Variants in AURKA observed in about 807,000 individuals in gnomAD.
AURKA encodes aurora kinase A.
In AURKA, 12 loss-of-function variants were observed where a neutral mutation model predicts 40.9. The ratio of observed to expected loss-of-function variants is 0.29; its 90% confidence interval spans 0.19 to 0.48. The LOEUF (loss-of-function observed/expected upper bound fraction) is 0.48. Among genes scored for constraint, AURKA ranks in the 20% least tolerant of loss-of-function variants. The pLI is 0.99. For synonymous variants in AURKA, 170 were observed against 164.3 expected (o/e 1.03, Z -0.26); for missense variants, 322 against 462.1 (o/e 0.70, Z 2.78).
At chr20:56,384,247 A>C (rs1986088756) in intron 4 of AURKA, 23 bp downstream of exon 4, 2 of 1,575,118 alleles carry the variant, frequency 1.3e-6, no homozygotes, top group African/African-American at 1.3e-5. Flanking sequence ...ACAGTACAGA[A>C]CTTTGTAAAT....
chr20:56,370,219 G>C lies in AURKA; in HGVS notation c.1151C>G (p.Thr384Arg), dbSNP rs918964104. Reference protein sequence around the residue: ...LREVLEHPWITANSSKPSNCQ... With the variant: ...LREVLEHPWIRANSSKPSNCQ... ...ATTTGATGGTTTTGATGAATTTGCT[G>C]TGATCCAGGGGTGTTCAAGTACTTC... Residue 384 changes from threonine (T) to arginine (R), a missense_variant, in exon 9 of 9, where the codon ACA becomes AGA. Coordinates refer to ENST00000395915, the MANE Select transcript of AURKA (RefSeq NM_198437.3). The C allele has an allele frequency of 1.9e-6, 3 of 1,613,808 alleles. No individual in the cohort carries two copies. The highest frequency in any genetic ancestry group is 1.7e-6 in the Non-Finnish European group (2 of 1,180,016).
At chr20:56,378,949 C>T (rs1466332489) in intron 6 of AURKA, among the ~76,000 whole-genome samples, 1 of 151,982 alleles carries the variant, frequency 6.6e-6, no homozygotes, top group Non-Finnish European at 1.5e-5. Flanking sequence ...TTCTCTATAT[C>T]ATAATGGTGG....
intron 1 of AURKA, 189 bp from the exon 2 acceptor site, chr20:56,388,391 T>C: frequency 3.2e-6 from 2 of 624,186 alleles, no homozygotes; most frequent in South Asian, 1.9e-5. Context: ...CAACCTCCCC[T>C]TGGGCACTGC....
Position 56,369,983 on chromosome 20 carries a change from G to C in AURKA, c.*175C>G. The C allele has an allele frequency of 1.3e-6, 1 of 757,764 alleles. No homozygotes were observed. Among genetic ancestry groups the C allele is most frequent in the Admixed American group, 2.0e-5 (1 of 49,806 alleles). 46.9% of individuals were successfully genotyped at this position (757,764 alleles called of 1,614,324 possible). ...TTCACTTCAGAGTGTCATGTTTATTGATGTGGAGCTTTCTGAATAGGGAGG... is the reference window on the plus strand; with the variant it reads ...TTCACTTCAGAGTGTCATGTTTATTCATGTGGAGCTTTCTGAATAGGGAGG... On this transcript the variant is annotated 3_prime_UTR_variant, in exon 9 of 9. Transcript: ENST00000395915.
chr20:56,379,919 T>C (rs6099124), intron 6 of AURKA, among the ~76,000 whole-genome samples: 126,363 of 150,328 alleles, frequency 0.84, 53,082 homozygotes, highest in Admixed American at 0.88. Context: ...GCCAAGATTA[T>C]GCCACTGCAC....
rs1298098771 is a variant in AURKA at position 56,386,553 on chromosome 20, A to T, written c.43-20T>A. On this transcript the variant is annotated intron_variant, in intron 2 of 8. Transcript: ENST00000395915. ...TGTAGCCTAGAATGGAAGAGAAAATAAACTTTCTGGCATTCATGAAAGCAA... is the reference window on the plus strand; with the variant it reads ...TGTAGCCTAGAATGGAAGAGAAAATTAACTTTCTGGCATTCATGAAAGCAA... 3 of 1,614,170 alleles carry T rather than the reference A, an allele frequency of 1.9e-6. No homozygotes were observed. Among genetic ancestry groups the T allele is most frequent in the Non-Finnish European group, 1.7e-6 (2 of 1,180,004 alleles).
intron 6 of AURKA, among the ~76,000 whole-genome samples, chr20:56,376,692 C>T (rs1984969492): frequency 6.6e-6 from 1 of 152,090 alleles, no homozygotes; most frequent in South Asian, 2.1e-4. Context: ...TCTTCAACTT[C>T]TTAAAACAAG....
intron 2 of AURKA, among the ~76,000 whole-genome samples, chr20:56,387,502 TGTTAA>T (rs755428834): frequency 1.3e-5 from 2 of 152,310 alleles, no homozygotes; most frequent in South Asian, 4.1e-4. Flanking sequence ...AACCTTAAAT[TGTTAA>T]GTTAACTCTA....
chr20:56,389,184 G>A (rs1038850335), intron 1 of AURKA, among the ~76,000 whole-genome samples: 3 of 152,008 alleles, frequency 2.0e-5, no homozygotes, highest in African/African-American at 4.8e-5. Context: ...CAGATCAAGG[G>A]TCTGGGGTGA....
chr20:56,386,209 A>G (rs1358426457), intron 3 of AURKA, 48 bp downstream of exon 3: 3 of 1,611,752 alleles, frequency 1.9e-6, no homozygotes, highest in Non-Finnish European at 2.5e-6. Flanking sequence ...CTTTTTTAGC[A>G]ACGACGACAA....
At chr20:56,384,406 T>C (rs1169241418) in intron 3 of AURKA, 82 bp from the exon 4 acceptor site, 7 of 1,035,026 alleles carry the variant, frequency 6.8e-6, no homozygotes, top group Middle Eastern at 2.6e-4. Flanking sequence ...AATCAAAGAA[T>C]TGGTCACCAA....
At chr20:56,388,270 G>A (rs1187998981) in intron 1 of AURKA, 68 bp from the exon 2 acceptor site, 18 of 1,327,206 alleles carry the variant, frequency 1.4e-5, no homozygotes, top group Non-Finnish European at 1.8e-5. Context: ...TGCTCGATAG[G>A]CAGCGTTACA....
At chr20:56,379,389 A>T (rs1985391731) in intron 6 of AURKA, among the ~76,000 whole-genome samples, 2 of 152,226 alleles carry the variant, frequency 1.3e-5, no homozygotes, top group South Asian at 4.1e-4. Context: ...AATGGATTCA[A>T]GTTGAAGACA....
At chr20:56,387,979 G>C (rs1345440358) in intron 2 of AURKA, among the ~76,000 whole-genome samples, 177 bp downstream of exon 2, 4 of 152,164 alleles carry the variant, frequency 2.6e-5, no homozygotes, top group Non-Finnish European at 5.9e-5. Flanking sequence ...GAACAAAAAA[G>C]CTACTCTAAG....
At chr20:56,376,605 G>A in intron 6 of AURKA, among the ~76,000 whole-genome samples, 1 of 151,828 alleles carries the variant, frequency 6.6e-6, no homozygotes, top group East Asian at 1.9e-4. Context: ...CCAAGAAACA[G>A]AAAAAAATCA....
At chr20:56,384,359 T>A in intron 3 of AURKA, 35 bp from the exon 4 acceptor site, 1 of 1,483,076 alleles carries the variant, frequency 6.7e-7, no homozygotes, top group Non-Finnish European at 9.4e-7. Flanking sequence ...GTTTTTAGAA[T>A]AACTATATAG....
At chr20:56,388,463 C>CT in intron 1 of AURKA, 1 of 543,082 alleles carries the variant, frequency 1.8e-6, no homozygotes, top group Non-Finnish European at 3.3e-6. Flanking sequence ...CATCTCTCCT[C>CT]TAATGGATCA....
chr20:56,384,209 T>C lies in AURKA; in HGVS notation c.374+61A>G. 2.1e-6 allele frequency: 3 copies of C among 1,408,538 alleles called. No individual in the cohort carries two copies. The South Asian group carries it at 3.6e-5, about 17-fold the overall frequency. The allele number at this position is 1,408,538 out of a possible 1,614,324, so 87.3% of individuals were successfully genotyped here. On this transcript the variant is annotated intron_variant, in intron 4 of 8. Transcript: ENST00000395915. ...TTCCCCAGAGTTCCCACAACGAAATTTGCAACGAAATAATATATTCTAGTA... is the reference window on the plus strand; with the variant it reads ...TTCCCCAGAGTTCCCACAACGAAATCTGCAACGAAATAATATATTCTAGTA...
chr20:56,390,976 T>C (rs189730871), intron 1 of AURKA, among the ~76,000 whole-genome samples: 6 of 152,246 alleles, frequency 3.9e-5, no homozygotes, highest in African/African-American at 1.4e-4. Context: ...CCTTTCTTTC[T>C]AGGGAAATTG....
Sources: gnomAD v4.1 joint callset for allele counts (sites outside exome capture counted in the v4.1 genomes callset) on GRCh38, gnomAD v4.1.1 for gene constraint, MANE v1.5 for transcripts, NCBI Gene and HGNC (gene_info 2026-07-23, HGNC 2026-07-21) for gene names.